STK24: variants seen among roughly 807,000 people sequenced by gnomAD.
STK24 encodes serine/threonine kinase 24, also known as serine/threonine-protein kinase 24.
In STK24, 21 loss-of-function variants were observed where a neutral mutation model predicts 55.6. That is an observed-to-expected ratio of 0.38 (90% CI 0.27 to 0.54). The LOEUF (loss-of-function observed/expected upper bound fraction) is 0.54. STK24 is among the 20% of genes least tolerant of loss of function. The pLI is 0.79. For synonymous variants in STK24, 200 were observed against 215.2 expected (o/e 0.93, Z 0.62); for missense variants, 383 against 538.4 (o/e 0.71, Z 2.86).
intron 2 of STK24, among the ~76,000 whole-genome samples, chr13:98,513,302 A>G (rs181213219): frequency 6.6e-6 from 1 of 152,090 alleles, no homozygotes; most frequent in Non-Finnish European, 1.5e-5. Flanking sequence ...CCCTAGAAAC[A>G]CCATTACTTA....
chr13:98,466,052 A>G (rs1482204557), intron 6 of STK24, among the ~76,000 whole-genome samples: 1 of 152,242 alleles, frequency 6.6e-6, no homozygotes, highest in African/African-American at 2.4e-5. Flanking sequence ...TGCCATTATT[A>G]AAAACAGTGT....
intron 2 of STK24, among the ~76,000 whole-genome samples, chr13:98,486,671 G>A (rs1167661615): frequency 6.6e-6 from 1 of 152,148 alleles, no homozygotes; most frequent in Non-Finnish European, 1.5e-5. Context: ...TCCAAACATC[G>A]TCAGTGTCCC....
intron 1 of STK24, among the ~76,000 whole-genome samples, chr13:98,574,263 G>A (rs1002371410): frequency 6.6e-6 from 1 of 152,092 alleles, no homozygotes. Flanking sequence ...CGCCCACTTC[G>A]GCCTCTCAAA....
intron 2 of STK24, among the ~76,000 whole-genome samples, chr13:98,512,661 CA>C (rs1387340149): frequency 2.6e-5 from 4 of 151,148 alleles, no homozygotes; most frequent in Non-Finnish European, 5.9e-5. Flanking sequence ...TGAACAAGGT[CA>C]AAATATAAAG....
chr13:98,534,674 G>A (rs1202559157), intron 1 of STK24, among the ~76,000 whole-genome samples: 2 of 152,124 alleles, frequency 1.3e-5, no homozygotes, highest in Middle Eastern at 3.2e-3. Context: ...ACCAGCTAGT[G>A]CCACCCAGAC....
At chr13:98,536,851 C>T (rs1314722666) in intron 1 of STK24, among the ~76,000 whole-genome samples, 3 of 147,550 alleles carry the variant, frequency 2.0e-5, no homozygotes, top group Middle Eastern at 3.3e-3. Flanking sequence ...TCCAGCTGTC[C>T]GGCTGCCACA....
chr13:98,447,851 A>AAAAAG lies in STK24; in HGVS notation c.*5321_*5322insCTTTT, dbSNP rs1892947569. 1 of 209,972 alleles carries AAAAAG rather than the reference A, an allele frequency of 4.8e-6. No individual in the cohort carries two copies. Among genetic ancestry groups the AAAAAG allele is most frequent in the African/African-American group, 2.4e-5 (1 of 42,472 alleles). 13.0% of individuals were successfully genotyped at this position (209,972 alleles called of 1,614,324 possible). A position where few individuals can be genotyped will look rare whatever the true frequency, so the allele number is the denominator to read the frequency against. On this transcript the variant is annotated 3_prime_UTR_variant, in exon 11 of 11. Transcript: ENST00000539966. Reference sequence around the variant, plus strand: ...CAGAGCCAGACCCTGTCTCAAAAAAAAAAGAAAAAGAAAAAAGGAAGGGAG... The same window carrying AAAAAG: ...CAGAGCCAGACCCTGTCTCAAAAAAAAAAAGAAAGAAAAAGAAAAAAGGAAGGGAG...
chr13:98,524,409 T>C (rs1896360121), intron 1 of STK24, among the ~76,000 whole-genome samples: 1 of 152,162 alleles, frequency 6.6e-6, no homozygotes. Context: ...AGGCCTGTTC[T>C]AGACACTGGA....
intron 1 of STK24, among the ~76,000 whole-genome samples, chr13:98,532,059 C>T (rs1344165576): frequency 1.3e-5 from 2 of 152,134 alleles, no homozygotes; most frequent in African/African-American, 2.4e-5. Flanking sequence ...GGAAGGGCCC[C>T]ACCCCCCATC....
intron 9 of STK24, among the ~76,000 whole-genome samples, chr13:98,457,565 G>A (rs1893520993): frequency 1.3e-5 from 2 of 150,810 alleles, no homozygotes; most frequent in Admixed American, 6.6e-5. Flanking sequence ...CGCCTCCTGG[G>A]TTCCAGCGAT....
chr13:98,537,509 A>C (rs1414242406), intron 1 of STK24, among the ~76,000 whole-genome samples: 1 of 152,250 alleles, frequency 6.6e-6, no homozygotes, highest in Non-Finnish European at 1.5e-5. Context: ...AGGCAGACAG[A>C]CCTTCCAGAC....
intron 1 of STK24, among the ~76,000 whole-genome samples, chr13:98,566,023 C>T (rs919465772): frequency 2.0e-5 from 3 of 152,170 alleles, no homozygotes; most frequent in Non-Finnish European, 2.9e-5. Flanking sequence ...AGGTCAGCTA[C>T]CTCCTCTCAC....
At chr13:98,517,314 T>C (rs886751236) in intron 2 of STK24, among the ~76,000 whole-genome samples, 8 of 152,334 alleles carry the variant, frequency 5.3e-5, no homozygotes, top group African/African-American at 1.7e-4. Context: ...TTTCTTTAGC[T>C]GTTTGTTTTC....
At chr13:98,479,245 G>A (rs1413074866) in intron 3 of STK24, among the ~76,000 whole-genome samples, 1 of 152,198 alleles carries the variant, frequency 6.6e-6, no homozygotes, top group African/African-American at 2.4e-5. Flanking sequence ...GAGCCCAGCG[G>A]CCTTGGGATC....
chr13:98,538,117 T>G (rs1008817358), intron 1 of STK24, among the ~76,000 whole-genome samples: 1 of 151,786 alleles, frequency 6.6e-6, no homozygotes, highest in Non-Finnish European at 1.5e-5. Flanking sequence ...CAACAAATCC[T>G]CATCACTTCC....
intron 5 of STK24, among the ~76,000 whole-genome samples, chr13:98,468,152 C>G (rs1195070747): frequency 6.6e-6 from 1 of 152,218 alleles, no homozygotes; most frequent in Non-Finnish European, 1.5e-5. Context: ...CCAGAAATCC[C>G]TACTGGAAGC....
At chr13:98,471,342 A>C (rs1176943797) in intron 5 of STK24, among the ~76,000 whole-genome samples, 2 of 152,258 alleles carry the variant, frequency 1.3e-5, no homozygotes, top group Admixed American at 6.5e-5. Context: ...CTTCAAACCA[A>C]GCACAATCCA....
At chr13:98,480,514 T>G (rs1287224191) in intron 3 of STK24, among the ~76,000 whole-genome samples, 8 of 152,218 alleles carry the variant, frequency 5.3e-5, no homozygotes, top group Non-Finnish European at 1.2e-4. Flanking sequence ...GTTGTAAAAG[T>G]AATCCCACTA....
intron 2 of STK24, among the ~76,000 whole-genome samples, chr13:98,484,218 C>T (rs1185216924): frequency 1.3e-5 from 2 of 152,212 alleles, no homozygotes; most frequent in Admixed American, 1.3e-4. Context: ...ATGCTTGCTC[C>T]TGGGGAATGG....
Sources: allele counts gnomAD v4.1 joint callset (sites outside exome capture counted in the v4.1 genomes callset), GRCh38; gene constraint gnomAD v4.1.1; transcripts MANE v1.5; gene names NCBI Gene and HGNC (gene_info 2026-07-23, HGNC 2026-07-21).